PHF14: variants seen among roughly 807,000 people sequenced by gnomAD.
PHF14 encodes PHD finger protein 14.
In PHF14, 55 loss-of-function variants were observed where a neutral mutation model predicts 117.9. The ratio of observed to expected loss-of-function variants is 0.47; its 90% CI spans 0.38 to 0.58. The LOEUF is 0.58. PHF14 is among the 20% of genes least tolerant of loss of function. The pLI is 0.00. For missense variants in PHF14, 978 were observed against 1,122.2 expected (o/e 0.87, Z 1.84); for synonymous variants, 409 against 368.6 (o/e 1.11, Z -1.26).
intron 17 of PHF14, among the ~76,000 whole-genome samples, chr7:11,126,508 A>G (rs1475613098): frequency 1.3e-5 from 2 of 152,088 alleles, no homozygotes; most frequent in East Asian, 3.8e-4. Flanking sequence ...GTATTCTCAA[A>G]TCTACTACAT....
At position 11,061,782 on chromosome 7, in the gene PHF14, T is replaced by G; in HGVS notation, c.2482-9T>G. On this transcript the variant is annotated splice_polypyrimidine_tract_variant and intron_variant, in intron 14 of 17. Coordinates refer to ENST00000634607, the MANE Select transcript of PHF14 (RefSeq NM_001007157.2). ...TTTGTTTTTTGTTTTTTTTTTTGTT[T>G]TTTTCCAGAGAACCAGAGGACGAAA... 2 of 1,497,902 alleles carry G rather than the reference T, an allele frequency of 1.3e-6. No individual in the cohort carries two copies. Among genetic ancestry groups the G allele is most frequent in the Non-Finnish European group, 1.8e-6 (2 of 1,128,332 alleles). 92.8% of individuals were successfully genotyped at this position (1,497,902 alleles called of 1,614,324 possible). A position where few individuals can be genotyped will look rare whatever the true frequency, so the allele number is the denominator to read the frequency against.
At chr7:11,125,654 T>A (rs1192137234) in intron 17 of PHF14, among the ~76,000 whole-genome samples, 1 of 152,060 alleles carries the variant, frequency 6.6e-6, no homozygotes, top group South Asian at 2.1e-4. Context: ...TATTTCCACC[T>A]GTGACCTAGC....
At chr7:10,999,175 C>T (rs1782769017) in intron 4 of PHF14, among the ~76,000 whole-genome samples, 1 of 152,154 alleles carries the variant, frequency 6.6e-6, no homozygotes, top group South Asian at 2.1e-4. Context: ...TATGCCTGCC[C>T]TTGCAGTAGT....
At chr7:11,162,614 T>G (rs563380660) in intron 17 of PHF14, among the ~76,000 whole-genome samples, 10 of 152,114 alleles carry the variant, frequency 6.6e-5, no homozygotes, top group Non-Finnish European at 1.2e-4. Context: ...CCTCTTCAGA[T>G]GGCTGTGGCA....
At chr7:11,094,941 G>T (rs1178569251) in intron 16 of PHF14, among the ~76,000 whole-genome samples, 1 of 151,944 alleles carries the variant, frequency 6.6e-6, no homozygotes, top group Non-Finnish European at 1.5e-5. Flanking sequence ...TTCTTGCTAG[G>T]ATAGAAGGAG....
At chr7:11,020,338 C>G (rs951850740) in intron 5 of PHF14, among the ~76,000 whole-genome samples, 3 of 152,128 alleles carry the variant, frequency 2.0e-5, no homozygotes, top group Non-Finnish European at 4.4e-5. Context: ...AGTCCTCCCA[C>G]CTCAGCCTTC....
At chr7:11,100,782 A>C (rs796241791) in intron 16 of PHF14, among the ~76,000 whole-genome samples, 7 of 151,976 alleles carry the variant, frequency 4.6e-5, no homozygotes, top group African/African-American at 1.4e-4. Flanking sequence ...TGGTGGAATT[A>C]TAATTTGAGT....
chr7:11,152,166 G>C (rs972685696), intron 17 of PHF14, among the ~76,000 whole-genome samples: 2 of 152,150 alleles, frequency 1.3e-5, no homozygotes, highest in Non-Finnish European at 2.9e-5. Flanking sequence ...AATCTGGTCA[G>C]TATCCATTGA....
intron 3 of PHF14, among the ~76,000 whole-genome samples, chr7:10,984,202 C>A (rs535974317): frequency 6.6e-6 from 1 of 152,230 alleles, no homozygotes; most frequent in African/African-American, 2.4e-5. Flanking sequence ...TTTTACATAG[C>A]AGTGATTATC....
chr7:11,040,571 C>A (rs1011714657), intron 11 of PHF14, 101 bp from the exon 12 acceptor site: 2 of 461,714 alleles, frequency 4.3e-6, no homozygotes, highest in African/African-American at 4.1e-5. Context: ...TTCCCCCTAA[C>A]AATCCTACTA....
chr7:11,124,792 T>G (rs1387265043), intron 17 of PHF14, among the ~76,000 whole-genome samples: 1 of 152,132 alleles, frequency 6.6e-6, no homozygotes, highest in African/African-American at 2.4e-5. Flanking sequence ...TCAAATTAGA[T>G]TTTGTCCTAA....
At chr7:11,122,352 T>TATATATATATATATATATACACACACAC in intron 17 of PHF14, among the ~76,000 whole-genome samples, 72 of 65,798 alleles carry the variant, frequency 1.1e-3, no homozygotes, top group East Asian at 1.8e-3. Context: ...TATATATATA[T>TATATATATATATATATATACACACACAC]ACACACACAC....
intron 5 of PHF14, 54 bp from the exon 6 acceptor site, chr7:11,022,814 G>C (rs1271521861): frequency 4.1e-6 from 4 of 973,362 alleles, no homozygotes; most frequent in Admixed American, 2.5e-5. Flanking sequence ...TTTGTTTTGT[G>C]TGTGGGAATT....
In PHF14 at chr7:11,105,116, T is replaced by G. The variant is rs568092337; in HGVS notation, c.2655-6234T>G. The G allele has an allele frequency of 9.4e-4, 917 of 971,202 alleles. 4 individuals are homozygous for G. The South Asian group carries it at 0.024, about 26-fold the overall frequency. The allele number at this position is 971,202 out of a possible 1,614,324, so 60.2% of individuals were successfully genotyped here. A position where few individuals can be genotyped will look rare whatever the true frequency, so the allele number is the denominator to read the frequency against. On this transcript the variant is annotated intron_variant, in intron 16 of 17. Coordinates refer to ENST00000634607, the MANE Select transcript of PHF14 (RefSeq NM_001007157.2). Reference sequence around the variant, plus strand: ...CAATAAACATAGCCTGTGTTCACAATTCACTCATCCTTTTGTTATAAAAAG... The same window carrying G: ...CAATAAACATAGCCTGTGTTCACAAGTCACTCATCCTTTTGTTATAAAAAG...
At chr7:11,108,353 T>TC (rs1386750823) in intron 16 of PHF14, 6 of 151,742 alleles carry the variant, frequency 4.0e-5, no homozygotes, top group African/African-American at 9.7e-5. Context: ...TTTCTTTTTT[T>TC]CCCCTTCTGT....
chr7:11,003,578 C>T (rs1782958928), intron 4 of PHF14, among the ~76,000 whole-genome samples: 1 of 151,984 alleles, frequency 6.6e-6, no homozygotes, highest in Non-Finnish European at 1.5e-5. Flanking sequence ...ATGAACATAT[C>T]CATCATCTCA....
intron 4 of PHF14, among the ~76,000 whole-genome samples, chr7:11,002,655 C>G (rs575525599): frequency 2.0e-5 from 3 of 152,070 alleles, no homozygotes; most frequent in South Asian, 4.2e-4. Flanking sequence ...GTTGGTCAGG[C>G]TGGTCTTGAA....
intron 3 of PHF14, among the ~76,000 whole-genome samples, chr7:10,990,433 G>A (rs569831245): frequency 2.0e-5 from 3 of 152,272 alleles, no homozygotes; most frequent in South Asian, 4.1e-4. Context: ...AGTTGCATGC[G>A]TGCTTTTTCA....
intron 17 of PHF14, 46 bp downstream of exon 17, chr7:11,111,513 T>C (rs150264775): frequency 0.011 from 9,731 of 919,606 alleles, 79 homozygotes; most frequent in Non-Finnish European, 0.015. Context: ...TCCTTCCGTT[T>C]GATAGCTTTC....
Sources: gnomAD v4.1 joint callset for allele counts (sites outside exome capture counted in the v4.1 genomes callset) on GRCh38, gnomAD v4.1.1 for gene constraint, MANE v1.5 for transcripts, NCBI Gene and HGNC (gene_info 2026-07-23, HGNC 2026-07-21) for gene names.